Variants in SNX13 observed in about 807,000 individuals in gnomAD.
SNX13 encodes sorting nexin-13.
Under a neutral mutation model 133.6 loss-of-function variants are expected in SNX13, and 45 were observed. The ratio of observed to expected loss-of-function variants is 0.34; its 90% confidence interval spans 0.27 to 0.43. The LOEUF is 0.43. SNX13 is among the 20% of genes least tolerant of loss of function. SNX13 has a pLI of 1.00. For synonymous variants in SNX13, 414 were observed against 373.9 expected (o/e 1.11, Z -1.24); for missense variants, 1,032 against 1,145.1 (o/e 0.90, Z 1.43).
intron 1 of SNX13, among the ~76,000 whole-genome samples, chr7:17,914,820 A>G (rs570114935): frequency 4.3e-4 from 65 of 152,324 alleles, no homozygotes; most frequent in Admixed American, 1.4e-3. Context: ...AACAATCAAG[A>G]TTATAAAGCC....
chr7:17,805,250 T>TGCGCGCGCGCGCGC (rs1554304275), intron 20 of SNX13, among the ~76,000 whole-genome samples: 5 of 95,560 alleles, frequency 5.2e-5, no homozygotes, highest in Non-Finnish European at 1.0e-4. Flanking sequence ...TGTGTGTGTG[T>TGCGCGCGCGCGCGC]GCGTGCGCGC....
intron 1 of SNX13, among the ~76,000 whole-genome samples, chr7:17,901,930 TA>T (rs1294987845): frequency 1.3e-5 from 2 of 152,200 alleles, no homozygotes; most frequent in African/African-American, 4.8e-5. Context: ...TTGTTAGGAC[TA>T]AACTGTATAA....
At chr7:17,940,228 TG>T in intron 1 of SNX13, 55 bp downstream of exon 1, 1 of 1,551,634 alleles carries the variant, frequency 6.4e-7, no homozygotes, top group South Asian at 1.2e-5. Flanking sequence ...TCTGACGGGC[TG>T]GCGCCGGCCC....
At chr7:17,837,329 A>G (rs1583422679) in intron 13 of SNX13, among the ~76,000 whole-genome samples, 1 of 151,822 alleles carries the variant, frequency 6.6e-6, no homozygotes, top group East Asian at 1.9e-4. Flanking sequence ...CTGTAGATAC[A>G]AGATCTTGCT....
intron 20 of SNX13, 139 bp downstream of exon 20, chr7:17,814,695 G>T (rs911110411): frequency 1.6e-6 from 1 of 626,460 alleles, no homozygotes; most frequent in Non-Finnish European, 2.6e-6. Flanking sequence ...CCTACCAATA[G>T]TGATAAACAT....
intron 17 of SNX13, among the ~76,000 whole-genome samples, chr7:17,823,155 C>G (rs908821366): frequency 6.6e-6 from 1 of 152,154 alleles, no homozygotes; most frequent in South Asian, 2.1e-4. Flanking sequence ...GAGCCCCTTG[C>G]TTTAACACCC....
At chr7:17,837,896 A>G (rs1040914040) in intron 13 of SNX13, among the ~76,000 whole-genome samples, 1 of 151,664 alleles carries the variant, frequency 6.6e-6, no homozygotes, top group Non-Finnish European at 1.5e-5. Flanking sequence ...TGCTCACTAT[A>G]TGAGTTTTTA....
intron 14 of SNX13, among the ~76,000 whole-genome samples, chr7:17,834,495 G>A (rs1013787585): frequency 1.3e-4 from 20 of 151,736 alleles, no homozygotes; most frequent in Admixed American, 3.3e-4. Flanking sequence ...TATTTATATG[G>A]CATCAATTCA....
At chr7:17,895,863 C>T (rs1347376374) in intron 2 of SNX13, among the ~76,000 whole-genome samples, 1 of 152,166 alleles carries the variant, frequency 6.6e-6, no homozygotes. Context: ...CTTCCAAGGG[C>T]TCCTACCTTA....
At chr7:17,849,912 T>C (rs1420320278) in intron 11 of SNX13, among the ~76,000 whole-genome samples, 1 of 152,224 alleles carries the variant, frequency 6.6e-6, no homozygotes, top group Non-Finnish European at 1.5e-5. Flanking sequence ...TATTACTGTT[T>C]TTTGCAGTAG....
At chr7:17,879,685 T>C (rs1307044458) in intron 5 of SNX13, 1 of 152,236 alleles carries the variant, frequency 6.6e-6, no homozygotes, top group African/African-American at 2.4e-5. Context: ...ACTTGTTCCA[T>C]CTATTCTAAG....
In SNX13 at chr7:17,793,739, A is replaced by G; in HGVS notation, c.*306T>C. The G allele has an allele frequency of 4.0e-6, 1 of 250,186 alleles. No individual in the cohort carries two copies. Among genetic ancestry groups the G allele is most frequent in the Non-Finnish European group, 7.8e-6 (1 of 128,736 alleles). The allele number at this position is 250,186 out of a possible 1,614,324, so 15.5% of individuals were successfully genotyped here. ...CATATATACACTCTGGCACTTTGTC[A>G]TTGCTGGAGAATGCTGATTAGTTTG... On this transcript the variant is annotated 3_prime_UTR_variant, in exon 26 of 26. Coordinates refer to ENST00000428135, the MANE Select transcript of SNX13 (RefSeq NM_015132.5).
At chr7:17,803,706 C>G in intron 20 of SNX13, 126 bp from the exon 21 acceptor site, 1 of 812,102 alleles carries the variant, frequency 1.2e-6, no homozygotes, top group Admixed American at 3.4e-5. Context: ...TATATTATGT[C>G]GTTACATTTT....
intron 9 of SNX13, among the ~76,000 whole-genome samples, chr7:17,853,388 C>A (rs1208389509): frequency 6.6e-6 from 1 of 152,048 alleles, no homozygotes; most frequent in Non-Finnish European, 1.5e-5. Flanking sequence ...CGGATGTTAT[C>A]TATTTTAAAC....
At chr7:17,796,677 A>G (rs940613085) in intron 25 of SNX13, 150 bp downstream of exon 25, 5 of 618,256 alleles carry the variant, frequency 8.1e-6, no homozygotes, top group East Asian at 5.5e-5. Context: ...TTAAGAACAT[A>G]TGAGAAATGC....
At chr7:17,810,924 G>A (rs1785925927) in intron 20 of SNX13, among the ~76,000 whole-genome samples, 1 of 152,136 alleles carries the variant, frequency 6.6e-6, no homozygotes. Flanking sequence ...CTCAATAGAT[G>A]CAGAAAAGGC....
At chr7:17,889,036 GA>G (rs969987532) in intron 5 of SNX13, 70 of 172,764 alleles carry the variant, frequency 4.1e-4, no homozygotes, top group South Asian at 3.8e-3. Flanking sequence ...CCCTTTCAAA[GA>G]AAAAAAAAGT....
At chr7:17,824,230 G>C (rs555381671) in intron 17 of SNX13, among the ~76,000 whole-genome samples, 1 of 152,000 alleles carries the variant, frequency 6.6e-6, no homozygotes, top group East Asian at 1.9e-4. Flanking sequence ...TAATCATATT[G>C]TTTAATTTAG....
At chr7:17,811,737 C>G (rs143381686) in intron 20 of SNX13, among the ~76,000 whole-genome samples, 2,232 of 152,298 alleles carry the variant, frequency 0.015, 55 homozygotes, top group African/African-American at 0.051. Flanking sequence ...TGCTACCTGA[C>G]TTCAAACTAT....
Sources: gnomAD v4.1 joint callset for allele counts (sites outside exome capture counted in the v4.1 genomes callset) on GRCh38, gnomAD v4.1.1 for gene constraint, MANE v1.5 for transcripts, NCBI Gene and HGNC (gene_info 2026-07-23, HGNC 2026-07-21) for gene names.